Variants in LUZP2 observed in about 807,000 individuals in gnomAD.
LUZP2 encodes leucine zipper protein 2.
In LUZP2, 52 loss-of-function variants were observed where a neutral mutation model predicts 51.6. The ratio of observed to expected loss-of-function variants is 1.01; its 90% CI spans 0.81 to 1.27. LUZP2 has a LOEUF of 1.27. LUZP2 is among the 50% of genes most tolerant of loss of function. LUZP2 has a pLI of 0.00. For synonymous variants in LUZP2, 154 were observed against 137.3 expected (o/e 1.12, Z -0.85); for missense variants, 436 against 395.4 (o/e 1.10, Z -0.87).
chr11:25,055,667 C>T (rs1030038979), intron 10 of LUZP2, among the ~76,000 whole-genome samples: 4 of 151,922 alleles, frequency 2.6e-5, no homozygotes, highest in Admixed American at 1.3e-4. Context: ...CAGTCTAGAC[C>T]GATAAATTCT....
At chr11:24,963,730 T>C (rs111966107) in intron 7 of LUZP2, among the ~76,000 whole-genome samples, 3,204 of 152,258 alleles carry the variant, frequency 0.021, 99 homozygotes, top group African/African-American at 0.065. Context: ...AGTGAGGCAA[T>C]GCCTCACCCT....
intron 5 of LUZP2, among the ~76,000 whole-genome samples, chr11:24,881,036 A>T (rs939332911): frequency 3.9e-5 from 6 of 152,154 alleles, no homozygotes; most frequent in Non-Finnish European, 8.8e-5. Flanking sequence ...TGGAGACAGA[A>T]GATCTGATGT....
intron 9 of LUZP2, among the ~76,000 whole-genome samples, chr11:24,988,928 C>A (rs1292120765): frequency 6.6e-6 from 1 of 151,536 alleles, no homozygotes; most frequent in Admixed American, 6.6e-5. Flanking sequence ...GAAGACACAA[C>A]ACAGAATTAT....
chr11:25,034,016 C>G (rs1857778632), intron 9 of LUZP2, among the ~76,000 whole-genome samples: 1 of 152,154 alleles, frequency 6.6e-6, no homozygotes, highest in Non-Finnish European at 1.5e-5. Flanking sequence ...CTCCTTTCCA[C>G]AGCAACTGGT....
chr11:24,574,260 CTTGCTTTCTTTCTTTCTTTCTTTCT>C (rs1565000601), intron 1 of LUZP2, among the ~76,000 whole-genome samples: 4 of 7,364 alleles, frequency 5.4e-4, no homozygotes, highest in African/African-American at 1.1e-3. Flanking sequence ...TTCTTTCTTT[CTTGCTTTCTTTCTTTCTTTCTTTCT>C]TTCCTTTCTT....
At chr11:24,998,637 C>T (rs1237454778) in intron 9 of LUZP2, among the ~76,000 whole-genome samples, 6 of 152,214 alleles carry the variant, frequency 3.9e-5, no homozygotes, top group African/African-American at 1.2e-4. Flanking sequence ...CTGCTTAATC[C>T]TCTACTTTCC....
At chr11:24,863,537 A>G (rs974860920) in intron 5 of LUZP2, among the ~76,000 whole-genome samples, 7 of 151,666 alleles carry the variant, frequency 4.6e-5, no homozygotes, top group Non-Finnish European at 1.0e-4. Flanking sequence ...GAAGTTTCCA[A>G]ATACTGGGGG....
Position 25,048,105 on chromosome 11 carries a change from C to T in LUZP2, c.766-1933C>T, listed in dbSNP as rs74350029. Among the ~76,000 whole-genome samples the T allele has an allele frequency of 7.7e-3, 1,173 of 152,238 alleles. 31 individuals are homozygous for T. In the East Asian group the frequency reaches 0.094, roughly 12 times the overall value. On this transcript the variant is annotated intron_variant, in intron 9 of 11. Coordinates refer to ENST00000336930, the MANE Select transcript of LUZP2 (RefSeq NM_001009909.4). ...GAAATACAGGCCTGAGGCACTGCAC[C>T]CAGCCCCCCTTTGGCTGCTGAATTA...
At chr11:24,717,231 T>C (rs951167863) in intron 1 of LUZP2, among the ~76,000 whole-genome samples, 2 of 152,156 alleles carry the variant, frequency 1.3e-5, no homozygotes, top group African/African-American at 4.8e-5. Context: ...CTAACCTACA[T>C]TTATTAAGCA....
At chr11:24,747,873 C>T (rs139836305) in intron 4 of LUZP2, among the ~76,000 whole-genome samples, 1,742 of 152,196 alleles carry the variant, frequency 0.011, 16 homozygotes, top group Non-Finnish European at 0.017. Flanking sequence ...CCAGCTTCCA[C>T]GCAATCTGAA....
At chr11:25,072,528 A>G (rs1859187155) in intron 10 of LUZP2, among the ~76,000 whole-genome samples, 1 of 152,144 alleles carries the variant, frequency 6.6e-6, no homozygotes, top group South Asian at 2.1e-4. Flanking sequence ...AAAAATAAAA[A>G]TACATTTGTG....
At chr11:24,680,782 G>A (rs976863380) in intron 1 of LUZP2, among the ~76,000 whole-genome samples, 2 of 152,028 alleles carry the variant, frequency 1.3e-5, no homozygotes, top group Non-Finnish European at 2.9e-5. Context: ...ATACATATAG[G>A]AATCAAGGCT....
chr11:24,934,941 G>C (rs573185739), intron 7 of LUZP2, among the ~76,000 whole-genome samples: 1 of 152,174 alleles, frequency 6.6e-6, no homozygotes, highest in South Asian at 2.1e-4. Flanking sequence ...ACCAGGATTT[G>C]TTTACTATTG....
At chr11:24,872,494 A>G (rs75818819) in intron 5 of LUZP2, among the ~76,000 whole-genome samples, 1 of 152,138 alleles carries the variant, frequency 6.6e-6, no homozygotes, top group Non-Finnish European at 1.5e-5. Flanking sequence ...TATTTTGGAA[A>G]ATTAAAGAGC....
chr11:24,571,654 T>C (rs986893411), intron 1 of LUZP2, among the ~76,000 whole-genome samples: 2 of 152,068 alleles, frequency 1.3e-5, no homozygotes, highest in Admixed American at 6.6e-5. Context: ...AAAAGCAACA[T>C]GGTCAAATGA....
chr11:24,539,096 T>TA (rs1367336339), intron 1 of LUZP2, among the ~76,000 whole-genome samples: 35 of 152,044 alleles, frequency 2.3e-4, no homozygotes, highest in African/African-American at 7.9e-4. Flanking sequence ...TTTCACTTTT[T>TA]ATGTCATATG....
intron 9 of LUZP2, among the ~76,000 whole-genome samples, chr11:25,013,376 C>T (rs555813529): frequency 2.4e-4 from 36 of 152,106 alleles, no homozygotes; most frequent in African/African-American, 8.4e-4. Context: ...ATACCCTGAC[C>T]AAATCACTAT....
At chr11:24,777,422 A>C (rs892926611) in intron 5 of LUZP2, among the ~76,000 whole-genome samples, 16 of 152,170 alleles carry the variant, frequency 1.1e-4, no homozygotes, top group African/African-American at 3.9e-4. Flanking sequence ...AATAGAAAGA[A>C]TGCTGCTTTC....
At chr11:24,963,756 C>A (rs527283032) in intron 7 of LUZP2, among the ~76,000 whole-genome samples, 4 of 152,108 alleles carry the variant, frequency 2.6e-5, no homozygotes, top group African/African-American at 9.7e-5. Context: ...GGCTCGTGCA[C>A]GGTGCGCTGC....
Sources: allele counts gnomAD v4.1 joint callset (sites outside exome capture counted in the v4.1 genomes callset), GRCh38; gene constraint gnomAD v4.1.1; transcripts MANE v1.5; gene names NCBI Gene and HGNC (gene_info 2026-07-23, HGNC 2026-07-21).